The following APBB2 variants were observed in gnomAD, a reference collection of about 807,000 sequenced individuals.
The protein encoded by APBB2 is amyloid beta precursor protein binding family B member 2.
In APBB2, 38 loss-of-function variants were observed where a neutral mutation model predicts 82.5. The observed-to-expected ratio is 0.46, with a 90% CI of 0.36 to 0.60. The LOEUF is 0.60. APBB2 is among the 20% of genes least tolerant of loss of function. APBB2 has a pLI of 0.00. For synonymous variants in APBB2, 341 were observed against 368.2 expected, an observed-to-expected ratio of 0.93 and a Z score of 0.85; for missense variants, 772 against 972.3, an observed-to-expected ratio of 0.79 and a Z score of 2.74.
chr4:41,014,013 T>G lies in APBB2; in HGVS notation c.405A>C (p.Leu135Phe), dbSNP rs760397492. The G allele has an allele frequency of 6.2e-7, 1 of 1,614,198 alleles. No homozygotes were observed. Among genetic ancestry groups the G allele is most frequent in the South Asian group, 1.1e-5 (1 of 91,086 alleles). The change falls in exon 6 of 18, where the codon TTA becomes TTC. Residue 135 changes from leucine to phenylalanine, a missense_variant. Leu to Phe is a conservative substitution (Grantham distance 22). Coordinates refer to ENST00000508593, the MANE Select transcript of APBB2 (RefSeq NM_004307.2). The stretch of plus-strand genomic sequence containing the variant: ...CCTGTGGGTGGGGCTCTTTACCCTC[T>G]AACTTCTCAGAAGTTATGTTGATGA... ...TAVINITSEK[L>F]EGKEPHPQDS...
chr4:40,907,200 CCAATTCCTATGCT>C (rs1290635181), intron 10 of APBB2, among the ~76,000 whole-genome samples: 1 of 151,630 alleles, frequency 6.6e-6, no homozygotes, highest in Non-Finnish European at 1.5e-5. Context: ...TGTCCCCTCC[CCAATTCCTATGCT>C]TAAGTCCTAA....
chr4:40,826,005 G>T lies in APBB2; in HGVS notation c.1733-35C>A. 2 of 1,535,528 alleles carry T rather than the reference G, an allele frequency of 1.3e-6. No homozygotes were observed. Among genetic ancestry groups the T allele is most frequent in the South Asian group, 1.1e-5 (1 of 89,508 alleles). ...ACAAAAGCAACACATCTTTCTCAGT[G>T]GTTCCAACACACATGTACACAACAG... On this transcript the variant is annotated intron_variant, in intron 14 of 17. Transcript: ENST00000508593. This position sits in a 1 kb window ranked among gnomAD's most constrained non-coding sequence, Gnocchi z 4.5.
At chr4:41,110,232 G>A (rs566386409) in intron 2 of APBB2, among the ~76,000 whole-genome samples, 1 of 152,344 alleles carries the variant, frequency 6.6e-6, no homozygotes, top group South Asian at 2.1e-4. Context: ...GCACGCAGGA[G>A]GCACTTAGTG....
chr4:41,172,104 C>CAATA (rs966274968), intron 1 of APBB2, among the ~76,000 whole-genome samples: 2 of 152,156 alleles, frequency 1.3e-5, no homozygotes, highest in East Asian at 1.9e-4. Context: ...CATCTCGAAA[C>CAATA]AATAAATAAA....
At chr4:41,076,592 A>G (rs1277192977) in intron 3 of APBB2, among the ~76,000 whole-genome samples, 1 of 152,216 alleles carries the variant, frequency 6.6e-6, no homozygotes, top group African/African-American at 2.4e-5. Context: ...AGATCTACAG[A>G]TACCAAAACT....
At chr4:41,068,347 G>A (rs1732644307) in intron 3 of APBB2, among the ~76,000 whole-genome samples, 1 of 152,168 alleles carries the variant, frequency 6.6e-6, no homozygotes, top group Non-Finnish European at 1.5e-5. Context: ...AATGAAACTG[G>A]GTAAGTGGGG....
chr4:40,819,189 CTTTTTTTTT>C (rs1228766862), intron 17 of APBB2, among the ~76,000 whole-genome samples: 1 of 65,490 alleles, frequency 1.5e-5, no homozygotes, highest in South Asian at 4.2e-4. Context: ...TTTTTTTTTT[CTTTTTTTTT>C]TTTTTGAGAC....
In APBB2 at chr4:41,103,206, T is replaced by C. The variant is rs113774176; in HGVS notation, c.-260-2456A>G. Among the ~76,000 whole-genome samples the C allele has an allele frequency of 7.7e-3, 1,178 of 152,308 alleles. 17 individuals are homozygous for C. The highest frequency in any genetic ancestry group is 0.026 in the African/African-American group (1,100 of 41,572). ...CACTTAAGGGTCAGCTTCAGTTACA[T>C]GATAAATTTATTTATGTAAGATTCC... On this transcript the variant is annotated intron_variant, in intron 2 of 17. Transcript: ENST00000508593.
In APBB2 at chr4:40,810,577, C is replaced by T. The variant is rs1454968715; in HGVS notation, c.*5515G>A. On this transcript the variant is annotated 3_prime_UTR_variant, in exon 18 of 18. Transcript: ENST00000508593. ...TGGGAAGCAGAGTGAGACCTTGCCTCAAAAAAAAAAAAAAAAAAAAAAAAG... is the reference window on the plus strand; with the variant it reads ...TGGGAAGCAGAGTGAGACCTTGCCTTAAAAAAAAAAAAAAAAAAAAAAAAG... 6 of 66,378 alleles carry T rather than the reference C, an allele frequency of 9.0e-5. No individual in the cohort carries two copies. Among genetic ancestry groups the T allele is most frequent in the Non-Finnish European group, 1.4e-4 (5 of 36,396 alleles). 4.1% of individuals were successfully genotyped at this position (66,378 alleles called of 1,614,324 possible).
At chr4:41,189,007 C>A (rs568373072) in intron 1 of APBB2, among the ~76,000 whole-genome samples, 3 of 152,288 alleles carry the variant, frequency 2.0e-5, no homozygotes, top group South Asian at 4.1e-4. Context: ...AACCTACACA[C>A]CCCTTACAAT....
At chr4:40,993,355 T>TTCTC (rs371413861) in intron 6 of APBB2, among the ~76,000 whole-genome samples, 1 of 144,886 alleles carries the variant, frequency 6.9e-6, no homozygotes, top group Admixed American at 7.0e-5. Flanking sequence ...TTAAGAACTC[T>TTCTC]TCTCTCTTTT....
intron 1 of APBB2, among the ~76,000 whole-genome samples, chr4:41,196,872 G>A: frequency 3.9e-5 from 6 of 152,090 alleles, no homozygotes; most frequent in South Asian, 4.1e-4. Context: ...ATGTGTGGCC[G>A]AAGAAATCCC....
chr4:40,926,445 A>C (rs947584139), intron 10 of APBB2, among the ~76,000 whole-genome samples: 2 of 152,098 alleles, frequency 1.3e-5, no homozygotes, highest in African/African-American at 4.8e-5. Context: ...CAAATTGCCA[A>C]AATGATTTTT....
intron 12 of APBB2, among the ~76,000 whole-genome samples, chr4:40,859,791 C>T (rs899845228): frequency 8.5e-5 from 13 of 152,218 alleles, no homozygotes; most frequent in African/African-American, 3.1e-4. Flanking sequence ...TCCTCTTTGT[C>T]TCTGCTCCAG....
At chr4:40,852,447 T>A (rs1233533698) in intron 12 of APBB2, among the ~76,000 whole-genome samples, 3 of 152,068 alleles carry the variant, frequency 2.0e-5, no homozygotes, top group Non-Finnish European at 4.4e-5. Context: ...TAAACCCATC[T>A]TCTCTTCTTA....
intron 1 of APBB2, among the ~76,000 whole-genome samples, chr4:41,189,852 C>T (rs1294542075): frequency 6.6e-6 from 1 of 152,188 alleles, no homozygotes; most frequent in African/African-American, 2.4e-5. Context: ...ATAACACTTA[C>T]TGTCTGTGAA....
rs1398997279 is a variant in APBB2 at position 40,880,550 on chromosome 4, A to G, written c.1529+9814T>C. The G allele has an allele frequency of 4.1e-6, 4 of 985,430 alleles. No homozygotes were observed. In the African/African-American group the frequency reaches 7.0e-5, roughly 17 times the overall value. 61.0% of individuals were successfully genotyped at this position (985,430 alleles called of 1,614,324 possible). ...CCTCTGTTCTCAAAGACATTCATCC[A>G]TGTTTACATGGGTTGTTAGGCTATT... On this transcript the variant is annotated intron_variant, in intron 12 of 17. Coordinates refer to ENST00000508593, the MANE Select transcript of APBB2 (RefSeq NM_004307.2).
intron 6 of APBB2, among the ~76,000 whole-genome samples, chr4:40,994,285 C>CAA (rs34027629): frequency 7.2e-6 from 1 of 139,568 alleles, no homozygotes. Context: ...AGACTCATCT[C>CAA]AAAAAAAAAA....
rs1268314569 is a variant in APBB2, at chr4:40,856,964, C to G, written c.1530-26387G>C. On this transcript the variant is annotated intron_variant, in intron 12 of 17. Coordinates refer to ENST00000508593, the MANE Select transcript of APBB2 (RefSeq NM_004307.2). The stretch of plus-strand genomic sequence containing the variant: ...CCCCGCGAGCGAGCTTGGGCTCGAC[C>G]CCCGTTCCCCCTGAACGCACCTGCA... 8.1e-6 allele frequency: 8 copies of G among 985,404 alleles called. No individual in the cohort carries two copies. In the African/African-American group the frequency reaches 1.4e-4, roughly 17 times the overall value. The allele number at this position is 985,404 out of a possible 1,614,324, so 61.0% of individuals were successfully genotyped here. A position where few individuals can be genotyped will look rare whatever the true frequency, so the allele number is the denominator to read the frequency against.
Sources: gnomAD v4.1 joint callset for allele counts (sites outside exome capture counted in the v4.1 genomes callset) on GRCh38, gnomAD v4.1.1 for gene constraint, Gnocchi (gnomAD v3.1) non-coding constraint, MANE v1.5 for transcripts, NCBI Gene and HGNC (gene_info 2026-07-23, HGNC 2026-07-21) for gene names.